Variants in PLS3 observed in about 807,000 individuals in gnomAD.
PLS3 encodes plastin-3.
A neutral mutation model predicts 46.5 loss-of-function variants in PLS3; 11 were observed. The ratio of observed to expected loss-of-function variants is 0.24; its 90% CI spans 0.15 to 0.39. PLS3 has a LOEUF of 0.39. Ranked by LOEUF, PLS3 falls within the 10% of genes least tolerant of loss-of-function variation. PLS3 has a pLI of 1.00. For synonymous variants in PLS3, 167 were observed against 162.2 expected (o/e 1.03, Z -0.22); for missense variants, 308 against 461.8 (o/e 0.67, Z 3.05).
chrX:115,569,339 T>G (rs2074198499), intron 1 of PLS3, among the ~76,000 whole-genome samples: 1 of 111,731 alleles, frequency 9.0e-6, no homozygotes, highest in Non-Finnish European at 1.9e-5. Context: ...TATACAAAGC[T>G]TATTTGTGCC....
At chrX:115,590,871 C>T (rs938190306) in intron 1 of PLS3, among the ~76,000 whole-genome samples, 3 of 109,833 alleles carry the variant, frequency 2.7e-5, no homozygotes, top group Non-Finnish European at 5.7e-5. Flanking sequence ...GGCGCGGTGG[C>T]TCGCGCCTTG....
intron 1 of PLS3, among the ~76,000 whole-genome samples, chrX:115,567,937 T>C (rs2147410755): frequency 9.0e-6 from 1 of 111,582 alleles, no homozygotes; most frequent in African/African-American, 3.2e-5. Context: ...TATAATAGTT[T>C]TGAATATTCA....
chrX:115,633,012 A>C (rs1309763448), intron 5 of PLS3, among the ~76,000 whole-genome samples: 2 of 110,611 alleles, frequency 1.8e-5, no homozygotes, highest in Non-Finnish European at 3.8e-5. Flanking sequence ...CTAGGGTTAC[A>C]GGCGTGAGCC....
At chrX:115,597,018 G>A (rs1556633971) in intron 1 of PLS3, among the ~76,000 whole-genome samples, 1 of 108,081 alleles carries the variant, frequency 9.3e-6, no homozygotes, top group East Asian at 2.9e-4. Context: ...GGTGGTGGGC[G>A]CCTGTAATCC....
chrX:115,629,154 GT>G (rs782322301), intron 3 of PLS3, 43 bp from the exon 4 acceptor site: 7 of 926,043 alleles, frequency 7.6e-6, no homozygotes, highest in Non-Finnish European at 9.3e-6. Context: ...ATTGTGCATA[GT>G]TTGAAATTAA....
chrX:115,569,943 T>C (rs1252221542), intron 1 of PLS3, among the ~76,000 whole-genome samples: 2 of 111,577 alleles, frequency 1.8e-5, no homozygotes, highest in East Asian at 5.6e-4. Flanking sequence ...TTATTATTTA[T>C]TTATTTGTTT....
chrX:115,630,357 C>CCCACAAA (rs2074751845), intron 5 of PLS3, among the ~76,000 whole-genome samples: 1 of 110,931 alleles, frequency 9.0e-6, no homozygotes, highest in Non-Finnish European at 1.9e-5. Context: ...CTGCTGCTGC[C>CCCACAAA]CCACAGCCAA....
intron 1 of PLS3, among the ~76,000 whole-genome samples, chrX:115,599,380 G>A (rs2074419314): frequency 9.6e-6 from 1 of 103,652 alleles, no homozygotes; most frequent in Non-Finnish European, 2.0e-5. Flanking sequence ...AATTAGCCGA[G>A]TATGGTGGTG....
At chrX:115,566,968 C>T (rs1335527159) in intron 1 of PLS3, among the ~76,000 whole-genome samples, 4 of 112,714 alleles carry the variant, frequency 3.5e-5, no homozygotes, top group African/African-American at 1.3e-4. Context: ...TGAGCCACCG[C>T]GCCCAGCCCA....
chrX:115,605,789 G>A (rs1363799720), intron 1 of PLS3, among the ~76,000 whole-genome samples: 4 of 111,538 alleles, frequency 3.6e-5, no homozygotes, highest in Non-Finnish European at 7.5e-5. Context: ...AAAGAACTGC[G>A]TTTCTGGCCA....
At chrX:115,571,144 C>T (rs887848551) in intron 1 of PLS3, among the ~76,000 whole-genome samples, 2 of 110,863 alleles carry the variant, frequency 1.8e-5, no homozygotes, top group Admixed American at 9.6e-5. Context: ...CCACCCACCT[C>T]GGCCTCCCAA....
At chrX:115,628,061 A>G (rs1262187195) in intron 3 of PLS3, among the ~76,000 whole-genome samples, 2 of 112,118 alleles carry the variant, frequency 1.8e-5, no homozygotes, top group African/African-American at 6.5e-5. Flanking sequence ...CCCTCCTGGA[A>G]AGACAAAATA....
intron 1 of PLS3, among the ~76,000 whole-genome samples, chrX:115,574,858 C>T (rs1010298776): frequency 4.4e-5 from 5 of 112,374 alleles, no homozygotes; most frequent in African/African-American, 9.7e-5. Context: ...GGATTATAGG[C>T]GTGAGCCACC....
chrX:115,622,666 G>C (rs1228478851), intron 3 of PLS3, among the ~76,000 whole-genome samples: 4 of 111,262 alleles, frequency 3.6e-5, no homozygotes, highest in Non-Finnish European at 5.6e-5. Context: ...TATATAAGGC[G>C]AACAGTCTCC....
chrX:115,611,761 G>A (rs782315548), intron 2 of PLS3, among the ~76,000 whole-genome samples: 1 of 111,622 alleles, frequency 9.0e-6, no homozygotes, highest in East Asian at 2.8e-4. Context: ...ATGAGACTTG[G>A]AATACATTTG....
intron 1 of PLS3, among the ~76,000 whole-genome samples, chrX:115,568,004 A>C (rs1274884606): frequency 8.9e-6 from 1 of 111,915 alleles, no homozygotes. Flanking sequence ...TCAGATTGAC[A>C]TTCTGCTGTT....
intron 7 of PLS3, 41 bp downstream of exon 7, chrX:115,635,087 T>G (rs1232028451): frequency 8.9e-7 from 1 of 1,118,012 alleles, no homozygotes; most frequent in Non-Finnish European, 1.2e-6. Context: ...TTATTGGTTA[T>G]TTTTTTCTAG....
At chrX:115,567,877 A>G (rs1222689236) in intron 1 of PLS3, among the ~76,000 whole-genome samples, 4 of 109,750 alleles carry the variant, frequency 3.6e-5, no homozygotes, top group Non-Finnish European at 5.7e-5. Flanking sequence ...GTTTTACGTG[A>G]TATATAATAT....
At chrX:115,575,959 G>A (rs1332633965) in intron 1 of PLS3, among the ~76,000 whole-genome samples, 4 of 111,783 alleles carry the variant, frequency 3.6e-5, no homozygotes, top group African/African-American at 1.3e-4. Flanking sequence ...GCAAAGGCAA[G>A]CAGTATTAAG....
Sources: gnomAD v4.1 joint callset for allele counts (sites outside exome capture counted in the v4.1 genomes callset) on GRCh38, gnomAD v4.1.1 for gene constraint, MANE v1.5 for transcripts, NCBI Gene and HGNC (gene_info 2026-07-23, HGNC 2026-07-21) for gene names.